ZFHX3: variants seen among roughly 807,000 people sequenced by gnomAD.
ZFHX3 encodes the protein zinc finger homeobox 3, also known as zinc finger homeobox protein 3.
A neutral mutation model predicts 279.1 loss-of-function variants in ZFHX3; 42 were observed. That is an observed-to-expected ratio of 0.15 (90% CI 0.12 to 0.19). ZFHX3 has a LOEUF of 0.19. ZFHX3 is among the 10% of genes least tolerant of loss of function. The pLI, the probability that ZFHX3 is intolerant of heterozygous loss-of-function variation, is 1.00. For synonymous variants in ZFHX3, 2,293 were observed against 1,957.8 expected, an observed-to-expected ratio of 1.17 and a Z score of -4.52; for missense variants, 4,981 against 4,754.0, an observed-to-expected ratio of 1.05 and a Z score of -1.40.
At chr16:72,873,292 T>C (rs1420758791) in intron 4 of ZFHX3, among the ~76,000 whole-genome samples, 1 of 152,208 alleles carries the variant, frequency 6.6e-6, no homozygotes, top group African/African-American at 2.4e-5. Context: ...ATGTTTTCAA[T>C]GCAAGAATGA....
chr16:73,503,386 A>G (rs1249167447), intron 2 of ZFHX3, among the ~76,000 whole-genome samples: 1 of 152,156 alleles, frequency 6.6e-6, no homozygotes, highest in Non-Finnish European at 1.5e-5. Flanking sequence ...TTTCAGTCAT[A>G]ACTGTTCACA....
Position 73,368,796 on chromosome 16 carries a change from A to T in ZFHX3, c.-1290-50460T>A, listed in dbSNP as rs369570468. ...ATTATGTGCTAGGCACTTTGTCCAC[A>T]TTAATTCATTTAATTCTCGAAACAA... is the stretch of plus-strand genomic sequence containing the variant. On this transcript the variant is annotated intron_variant, in intron 3 of 17. Coordinates refer to the ZFHX3 transcript ENST00000641206. 8.7e-4 allele frequency among the ~76,000 whole-genome samples: 132 copies of T among 152,350 alleles called. 1 individual carries two copies. In the South Asian group the frequency reaches 9.5e-3, roughly 11 times the overall value.
chr16:72,929,505 T>C (rs1434033269), intron 3 of ZFHX3, among the ~76,000 whole-genome samples: 2 of 152,186 alleles, frequency 1.3e-5, no homozygotes, highest in East Asian at 3.9e-4. Context: ...GAGAACGATA[T>C]GTCTAGAGAA....
chr16:73,552,634 G>C (rs760275706), intron 2 of ZFHX3, among the ~76,000 whole-genome samples: 22 of 152,088 alleles, frequency 1.4e-4, no homozygotes, highest in Non-Finnish European at 2.6e-4. Context: ...CAAAATCTTA[G>C]ATATTTTTCT....
intron 7 of ZFHX3, chr16:73,125,198 GTTTTTTTTTT>G (rs67029800): frequency 8.7e-6 from 1 of 115,026 alleles, no homozygotes; most frequent in Non-Finnish European, 1.7e-5. Flanking sequence ...GAATTGAGCT[GTTTTTTTTTT>G]TTTTTTTTTG....
intron 1 of ZFHX3, among the ~76,000 whole-genome samples, chr16:73,711,571 G>A (rs1192454427): frequency 6.6e-6 from 1 of 152,186 alleles, no homozygotes; most frequent in Non-Finnish European, 1.5e-5. Context: ...GCAGTCTTCT[G>A]AAGTGGGGGT....
intron 4 of ZFHX3, among the ~76,000 whole-genome samples, chr16:72,888,903 G>A (rs1414159829): frequency 1.3e-5 from 2 of 152,166 alleles, no homozygotes; most frequent in Non-Finnish European, 2.9e-5. Context: ...GGCCTAGGAT[G>A]AAAGGAGAGC....
chr16:72,843,512 C>CTA (rs2037399723), intron 4 of ZFHX3, among the ~76,000 whole-genome samples: 4 of 78,480 alleles, frequency 5.1e-5, no homozygotes, highest in Admixed American at 3.9e-4. Flanking sequence ...GAGACTCCGT[C>CTA]TAAAAAAAAA....
At chr16:73,288,579 C>G (rs1381647998) in intron 4 of ZFHX3, among the ~76,000 whole-genome samples, 1 of 152,154 alleles carries the variant, frequency 6.6e-6, no homozygotes, top group Non-Finnish European at 1.5e-5. Context: ...TAGCAACTCC[C>G]CACGCTGTCC....
Position 73,862,970 on chromosome 16 carries a change from T to G in ZFHX3, c.-1608+28681A>C, listed in dbSNP as rs148743714. 9.1e-3 allele frequency among the ~76,000 whole-genome samples: 1,320 copies of G among 145,320 alleles called. 18 individuals are homozygous for G. Among genetic ancestry groups the G allele is most frequent in the African/African-American group, 0.033 (1,237 of 37,936 alleles). On this transcript the variant is annotated intron_variant, in intron 1 of 17. Coordinates refer to the ZFHX3 transcript ENST00000641206. The stretch of plus-strand genomic sequence containing the variant: ...GCTCACACCTGTAATCCCAGCACTT[T>G]GGGAGGCTGAGGTGCATGGATCAGA...
chr16:73,127,421 G>A (rs545498498), intron 7 of ZFHX3: 1 of 1,305,268 alleles, frequency 7.7e-7, no homozygotes, highest in East Asian at 5.5e-5. Flanking sequence ...CCAGGTAGTA[G>A]CTGGAGCATC....
chr16:73,159,554 C>G (rs1009863417), intron 5 of ZFHX3, among the ~76,000 whole-genome samples: 1 of 152,110 alleles, frequency 6.6e-6, no homozygotes, highest in Non-Finnish European at 1.5e-5. Flanking sequence ...GGAGCCTACT[C>G]CAGGCCACCA....
rs71386983 is a variant in ZFHX3 at position 72,798,631 on chromosome 16, G to T, written c.4051C>A (p.Pro1351Thr). Residue 1351 changes from proline (P) to threonine (T), a missense_variant, in exon 9 of 10, where the codon CCA (proline) becomes ACA (threonine). Coordinates refer to ENST00000268489, the MANE Select transcript of ZFHX3 (RefSeq NM_006885.4). ...SGDLKPSPAD[P>T]GSVREDSGFI... is the part of the protein sequence containing the mutation. ...CCTGAGTCTTCTCTCACAGAGCCTGGGTCAGCAGGGGATGGTTTCAAATCT... is the reference window on the plus strand; with the variant it reads ...CCTGAGTCTTCTCTCACAGAGCCTGTGTCAGCAGGGGATGGTTTCAAATCT... 4 of 1,613,874 alleles carry T rather than the reference G, an allele frequency of 2.5e-6. No homozygotes were observed. The Admixed American group carries it at 6.7e-5, about 27-fold the overall frequency.
At chr16:73,364,104 C>T (rs1272701683) in intron 3 of ZFHX3, among the ~76,000 whole-genome samples, 2 of 151,242 alleles carry the variant, frequency 1.3e-5, no homozygotes, top group Non-Finnish European at 2.9e-5. Flanking sequence ...AACCAGGAGG[C>T]GGAGGTTGCA....
intron 1 of ZFHX3, among the ~76,000 whole-genome samples, chr16:73,748,932 C>T (rs1190973144): frequency 1.3e-5 from 2 of 152,100 alleles, no homozygotes; most frequent in Non-Finnish European, 2.9e-5. Flanking sequence ...GGATGACAGG[C>T]ACCTGCCACC....
chr16:73,220,431 T>C (rs995564208), intron 5 of ZFHX3, among the ~76,000 whole-genome samples: 2 of 151,712 alleles, frequency 1.3e-5, no homozygotes, highest in Admixed American at 6.6e-5. Context: ...TGTAAACCAA[T>C]TAAAAAAAAG....
chr16:72,913,414 C>T (rs1019988656), intron 3 of ZFHX3, among the ~76,000 whole-genome samples: 1 of 152,264 alleles, frequency 6.6e-6, no homozygotes, highest in African/African-American at 2.4e-5. Flanking sequence ...AGTAGAGGAC[C>T]CCTCAGTGTG....
chr16:73,391,147 C>T (rs561394367), intron 3 of ZFHX3, among the ~76,000 whole-genome samples: 15 of 152,254 alleles, frequency 9.9e-5, no homozygotes, highest in African/African-American at 2.6e-4. Flanking sequence ...CGGACAGGCC[C>T]AGCTTGTGCA....
chr16:72,812,662 C>T (rs190073059), intron 5 of ZFHX3, among the ~76,000 whole-genome samples: 2 of 152,272 alleles, frequency 1.3e-5, no homozygotes, highest in Admixed American at 1.3e-4. Flanking sequence ...GGGCCTGAAT[C>T]CAAGATATAA....
Sources: gnomAD v4.1 joint callset for allele counts (sites outside exome capture counted in the v4.1 genomes callset) on GRCh38, gnomAD v4.1.1 for gene constraint, MANE v1.5 for transcripts, NCBI Gene and HGNC (gene_info 2026-07-23, HGNC 2026-07-21) for gene names.